Variants in PACSIN1 observed in about 807,000 individuals in gnomAD.
PACSIN1 encodes protein kinase C and casein kinase substrate in neurons protein 1.
In PACSIN1, 15 loss-of-function variants were observed where a neutral mutation model predicts 59.5. That is an observed-to-expected ratio of 0.25 (90% CI 0.17 to 0.39). The LOEUF is 0.39. Among genes scored for constraint, PACSIN1 ranks in the 10% least tolerant of loss-of-function variants. The pLI, the probability that PACSIN1 is intolerant of heterozygous loss-of-function variation, is 1.00. For synonymous variants in PACSIN1, 210 were observed against 220.6 expected, an observed-to-expected ratio of 0.95 and a Z score of 0.42; for missense variants, 420 against 580.2, an observed-to-expected ratio of 0.72 and a Z score of 2.84.
chr6:34,491,829 CTTGAAGTTCT>C (rs1397651821), intron 1 of PACSIN1, among the ~76,000 whole-genome samples: 2 of 151,946 alleles, frequency 1.3e-5, no homozygotes, highest in African/African-American at 4.8e-5. Flanking sequence ...CCAGGCTGGT[CTTGAAGTTCT>C]GACCTCAGGT....
chr6:34,490,746 C>T (rs1766864240), intron 1 of PACSIN1, among the ~76,000 whole-genome samples: 1 of 152,152 alleles, frequency 6.6e-6, no homozygotes, highest in Non-Finnish European at 1.5e-5. Context: ...GAGTGGGTTT[C>T]TGGCCAGACA....
At position 34,490,765 on chromosome 6, in the gene PACSIN1, A is replaced by G. The variant is rs531513702; in HGVS notation, c.-64+24495A>G. On this transcript the variant is annotated intron_variant, in intron 1 of 9. Coordinates refer to ENST00000244458, the MANE Select transcript of PACSIN1 (RefSeq NM_020804.5). ...GGGTTTCTGGCCAGACATGGCGGAAACCCAAGCATGCCCCCCTTCTCCAGG... is the reference window on the plus strand; with the variant it reads ...GGGTTTCTGGCCAGACATGGCGGAAGCCCAAGCATGCCCCCCTTCTCCAGG... Among the ~76,000 whole-genome samples, 12 of 152,042 alleles carry G rather than the reference A, an allele frequency of 7.9e-5. No individual in the cohort carries two copies. In the East Asian group the frequency reaches 2.3e-3, roughly 29 times the overall value.
intron 1 of PACSIN1, among the ~76,000 whole-genome samples, chr6:34,480,891 T>C (rs1308004344): frequency 1.3e-5 from 2 of 152,014 alleles, no homozygotes; most frequent in Non-Finnish European, 2.9e-5. Context: ...TGCAGGTATG[T>C]GGTTACTAGC....
intron 4 of PACSIN1, 38 bp downstream of exon 4, chr6:34,528,915 G>GGGGGGGGGGGGC: frequency 1.5e-6 from 1 of 653,172 alleles, no homozygotes; most frequent in Non-Finnish European, 2.7e-6. Flanking sequence ...GGTGGGGTGG[G>GGGGGGGGGGGGC]CCCGTCTGAT....
At chr6:34,511,534 G>T (rs1039667302) in intron 1 of PACSIN1, among the ~76,000 whole-genome samples, 1 of 152,182 alleles carries the variant, frequency 6.6e-6, no homozygotes. Context: ...CTCAGTGATT[G>T]TAATATTTGT....
At chr6:34,507,606 G>A (rs1334770905) in intron 1 of PACSIN1, among the ~76,000 whole-genome samples, 1 of 150,854 alleles carries the variant, frequency 6.6e-6, no homozygotes, top group Non-Finnish European at 1.5e-5. Flanking sequence ...AATCTTAAAT[G>A]TACAATATTA....
chr6:34,467,935 T>G (rs1581952402), intron 1 of PACSIN1, among the ~76,000 whole-genome samples: 2 of 151,926 alleles, frequency 1.3e-5, no homozygotes, highest in South Asian at 4.2e-4. Flanking sequence ...CTCCAGAGGG[T>G]CTTATGGGCC....
intron 1 of PACSIN1, among the ~76,000 whole-genome samples, chr6:34,485,329 G>C (rs866847962): frequency 1.3e-5 from 2 of 152,198 alleles, no homozygotes; most frequent in African/African-American, 2.4e-5. Context: ...TAGACAGTAG[G>C]GGGTGAGGGT....
At chr6:34,523,219 A>G (rs950746986) in intron 1 of PACSIN1, among the ~76,000 whole-genome samples, 9 of 152,230 alleles carry the variant, frequency 5.9e-5, no homozygotes, top group African/African-American at 2.2e-4. Flanking sequence ...TCCCACATGC[A>G]GTGCTGTGCA....
intron 3 of PACSIN1, 66 bp downstream of exon 3, chr6:34,527,554 A>C (rs1464621505): frequency 1.4e-6 from 2 of 1,431,242 alleles, no homozygotes; most frequent in Non-Finnish European, 1.9e-6. Flanking sequence ...TCTGGGTCCT[A>C]GGAGCCCCGG....
At chr6:34,527,684 T>TAAA in intron 3 of PACSIN1, 196 bp downstream of exon 3, 1 of 340,220 alleles carries the variant, frequency 2.9e-6, no homozygotes, top group Non-Finnish European at 5.2e-6. Flanking sequence ...TAGGTTGAAT[T>TAAA]AAAAAAAAAA....
At chr6:34,519,163 C>T (rs753752015) in intron 1 of PACSIN1, among the ~76,000 whole-genome samples, 7 of 152,200 alleles carry the variant, frequency 4.6e-5, no homozygotes, top group Admixed American at 2.6e-4. Flanking sequence ...GTCTGAGGCT[C>T]GCCTGTTCTC....
chr6:34,483,001 CTTTTT>C (rs34111587), intron 1 of PACSIN1, among the ~76,000 whole-genome samples: 3 of 112,014 alleles, frequency 2.7e-5, no homozygotes, highest in African/African-American at 7.0e-5. Context: ...CCATGTTTAA[CTTTTT>C]TTTTTTTTTT....
intron 2 of PACSIN1, 147 bp from the exon 3 acceptor site, chr6:34,527,185 G>T (rs1444748029): frequency 1.8e-5 from 15 of 835,100 alleles, no homozygotes; most frequent in Non-Finnish European, 2.5e-5. Context: ...GCGCCGCGGG[G>T]CGGGGGGCGG....
At chr6:34,490,577 G>A (rs1348094223) in intron 1 of PACSIN1, among the ~76,000 whole-genome samples, 1 of 152,118 alleles carries the variant, frequency 6.6e-6, no homozygotes, top group Non-Finnish European at 1.5e-5. Context: ...TCTTCCTTCA[G>A]GATCCTGTCA....
At chr6:34,496,818 A>G (rs1022216842) in intron 1 of PACSIN1, among the ~76,000 whole-genome samples, 13 of 152,028 alleles carry the variant, frequency 8.6e-5, no homozygotes, top group Admixed American at 2.6e-4. Context: ...GCTGGATACA[A>G]TAGAGTGAAT....
intron 1 of PACSIN1, among the ~76,000 whole-genome samples, chr6:34,493,657 C>A (rs149323066): frequency 8.2e-4 from 125 of 152,334 alleles, no homozygotes; most frequent in African/African-American, 2.8e-3. Context: ...AACCAGTGCT[C>A]CCCAATGGGT....
intron 1 of PACSIN1, among the ~76,000 whole-genome samples, chr6:34,524,307 C>A (rs538919101): frequency 8.9e-4 from 135 of 152,296 alleles, no homozygotes; most frequent in Non-Finnish European, 1.6e-3. Flanking sequence ...TCTCCCCCAG[C>A]ACAGGCCAGA....
chr6:34,470,200 T>A (rs1271171133), intron 1 of PACSIN1, among the ~76,000 whole-genome samples: 3 of 152,126 alleles, frequency 2.0e-5, no homozygotes, highest in African/African-American at 7.2e-5. Context: ...TTATTATTTT[T>A]GAGACGGAGT....
Sources: allele counts gnomAD v4.1 joint callset (sites outside exome capture counted in the v4.1 genomes callset), GRCh38; gene constraint gnomAD v4.1.1; transcripts MANE v1.5; gene names NCBI Gene and HGNC (gene_info 2026-07-23, HGNC 2026-07-21).